The following KSR2 variants were observed in gnomAD, a reference collection of about 807,000 sequenced individuals.
KSR2 encodes the protein kinase suppressor of ras 2.
A neutral mutation model predicts 107.8 loss-of-function variants in KSR2; 25 were observed. The ratio of observed to expected loss-of-function variants is 0.23; its 90% confidence interval spans 0.17 to 0.32. The LOEUF (loss-of-function observed/expected upper bound fraction) is 0.32. Ranked by LOEUF, KSR2 falls within the 10% of genes least tolerant of loss-of-function variation. KSR2 has a pLI of 1.00. For missense variants in KSR2, 887 were observed against 1,268.9 expected, an observed-to-expected ratio of 0.70 and a Z score of 4.57; for synonymous variants, 480 against 507.0, an observed-to-expected ratio of 0.95 and a Z score of 0.71.
At position 117,492,193 on chromosome 12, in the gene KSR2, C is replaced by A. The variant is rs1167020795; in HGVS notation, c.2220-6502G>T. On this transcript the variant is annotated intron_variant, in intron 14 of 19. Transcript: ENST00000339824. ...CTTTGAGTCCCTATCTCAGGTGACA[C>A]AGAGAGCCTTTGGCTAAGATGGCAC... Among the ~76,000 whole-genome samples the A allele has an allele frequency of 7.2e-5, 11 of 152,208 alleles. 1 individual carries two copies. The highest frequency in any genetic ancestry group is 1.5e-5 in the Non-Finnish European group (1 of 68,034).
intron 14 of KSR2, among the ~76,000 whole-genome samples, chr12:117,519,169 G>A (rs1874578662): frequency 6.6e-6 from 1 of 152,196 alleles, no homozygotes; most frequent in African/African-American, 2.4e-5. Flanking sequence ...TGGCTCTCAG[G>A]CCCCTGCAGG....
At chr12:117,676,722 C>A (rs754534990) in intron 4 of KSR2, among the ~76,000 whole-genome samples, 1 of 152,082 alleles carries the variant, frequency 6.6e-6, no homozygotes, top group Admixed American at 6.5e-5. Context: ...TTGGTACAAC[C>A]GTTTTTGAAA....
intron 1 of KSR2, among the ~76,000 whole-genome samples, chr12:117,899,341 A>C (rs1050056142): frequency 4.6e-5 from 7 of 152,042 alleles, no homozygotes; most frequent in African/African-American, 1.7e-4. Context: ...AAAATAAAAA[A>C]AATTAGCCAG....
intron 1 of KSR2, among the ~76,000 whole-genome samples, chr12:117,952,618 G>C (rs979508898): frequency 3.9e-5 from 6 of 152,134 alleles, no homozygotes; most frequent in Non-Finnish European, 5.9e-5. Context: ...GGAGGCTACA[G>C]TGAGGTGAGA....
intron 3 of KSR2, among the ~76,000 whole-genome samples, chr12:117,784,756 G>C (rs1437525039): frequency 6.6e-6 from 1 of 152,142 alleles, no homozygotes; most frequent in Non-Finnish European, 1.5e-5. Context: ...AAAAGAACTG[G>C]AGAAAGAGGC....
At chr12:117,540,121 A>C (rs1305801781) in intron 9 of KSR2, among the ~76,000 whole-genome samples, 1 of 152,030 alleles carries the variant, frequency 6.6e-6, no homozygotes, top group African/African-American at 2.4e-5. Flanking sequence ...CTTGGACCCC[A>C]GAGTGAAAGG....
intron 5 of KSR2, among the ~76,000 whole-genome samples, chr12:117,637,681 T>A (rs866598622): frequency 0.17 from 21,106 of 124,978 alleles, 1,798 homozygotes; most frequent in Middle Eastern, 0.23. Flanking sequence ...TTGGGTTTTT[T>A]TTTTTTTTTT....
intron 3 of KSR2, among the ~76,000 whole-genome samples, chr12:117,829,449 T>C (rs1232416720): frequency 6.6e-6 from 1 of 152,196 alleles, no homozygotes; most frequent in African/African-American, 2.4e-5. Context: ...ATCATGACAA[T>C]ACCTTAAAGA....
chr12:117,902,788 C>A (rs1468872533), intron 1 of KSR2, among the ~76,000 whole-genome samples: 7 of 152,254 alleles, frequency 4.6e-5, no homozygotes, highest in Admixed American at 3.3e-4. Context: ...ACATTTCTTT[C>A]TCCAAAAGTG....
At chr12:117,782,149 T>C (rs1380510990) in intron 3 of KSR2, among the ~76,000 whole-genome samples, 1 of 152,234 alleles carries the variant, frequency 6.6e-6, no homozygotes, top group Non-Finnish European at 1.5e-5. Flanking sequence ...TTTGAGATGC[T>C]AGAAGCCTTG....
intron 3 of KSR2, among the ~76,000 whole-genome samples, chr12:117,781,621 T>C (rs1345782419): frequency 2.6e-5 from 4 of 152,246 alleles, no homozygotes; most frequent in African/African-American, 9.6e-5. Flanking sequence ...TGTCTTCAAC[T>C]GGACGATGAA....
At chr12:117,920,718 C>T (rs1218122709) in intron 1 of KSR2, among the ~76,000 whole-genome samples, 1 of 152,126 alleles carries the variant, frequency 6.6e-6, no homozygotes, top group East Asian at 1.9e-4. Context: ...CTCTTAACTT[C>T]TCTAAGTAAA....
At chr12:117,879,810 C>G (rs1464799671) in intron 1 of KSR2, among the ~76,000 whole-genome samples, 1 of 152,208 alleles carries the variant, frequency 6.6e-6, no homozygotes. Context: ...CAATTGGGAG[C>G]ACACATTATA....
intron 4 of KSR2, among the ~76,000 whole-genome samples, chr12:117,671,284 T>C (rs1165319248): frequency 6.6e-6 from 1 of 152,212 alleles, no homozygotes; most frequent in Non-Finnish European, 1.5e-5. Context: ...CCTCCTAGAC[T>C]GGGTTGGGTG....
chr12:117,467,923 T>TG, intron 19 of KSR2: 4 of 108,184 alleles, frequency 3.7e-5, no homozygotes, highest in Middle Eastern at 3.8e-3. Context: ...TCCTGTGTTT[T>TG]TTTTTTTTTT....
At chr12:117,583,607 A>G (rs2136246695) in intron 5 of KSR2, among the ~76,000 whole-genome samples, 1 of 152,248 alleles carries the variant, frequency 6.6e-6, no homozygotes, top group South Asian at 2.1e-4. Context: ...CTTAGGCTAA[A>G]TCTCAGCGAA....
intron 1 of KSR2, among the ~76,000 whole-genome samples, chr12:117,922,054 C>G (rs1464133716): frequency 6.6e-6 from 1 of 152,114 alleles, no homozygotes; most frequent in Non-Finnish European, 1.5e-5. Context: ...CTAATAGAAG[C>G]AGTCCCCAGA....
intron 1 of KSR2, among the ~76,000 whole-genome samples, chr12:117,943,104 G>A (rs1449481611): frequency 6.6e-6 from 1 of 152,106 alleles, no homozygotes; most frequent in Non-Finnish European, 1.5e-5. Flanking sequence ...GTTTGCATGA[G>A]GAAAACCCTC....
Position 117,907,528 on chromosome 12 carries a change from C to T in KSR2, c.181-47097G>A, listed in dbSNP as rs979482315. On this transcript the variant is annotated intron_variant, in intron 1 of 19. Transcript: ENST00000339824. This position sits in a 1 kb window ranked among gnomAD's most constrained non-coding sequence, Gnocchi z 4.3. ...ATCTACGGGGCTGGATTGACGTCAG[C>T]CACAGTGGAAACTGCTCTCCTGCCC... 6.6e-6 allele frequency among the ~76,000 whole-genome samples: 1 copy of T among 152,146 alleles called. No homozygotes were observed. The highest frequency in any genetic ancestry group is 2.4e-5 in the African/African-American group (1 of 41,440).
Sources: gnomAD v4.1 joint callset for allele counts (sites outside exome capture counted in the v4.1 genomes callset) on GRCh38, gnomAD v4.1.1 for gene constraint, Gnocchi (gnomAD v3.1) non-coding constraint, MANE v1.5 for transcripts, NCBI Gene and HGNC (gene_info 2026-07-23, HGNC 2026-07-21) for gene names.